PHYKPL: variants seen among roughly 807,000 people sequenced by gnomAD.
PHYKPL encodes 5-phosphohydroxy-L-lysine phospho-lyase.
A neutral mutation model predicts 51.3 loss-of-function variants in PHYKPL; 42 were observed. That is an observed-to-expected ratio of 0.82 (90% CI 0.64 to 1.06). The LOEUF is 1.06. PHYKPL is among the 50% of genes least tolerant of loss of function. The probability of loss-of-function intolerance (pLI) is 0.00; values close to 1 mark genes in which losing one functional copy is unlikely to be tolerated. For synonymous variants in PHYKPL, 264 were observed against 236.0 expected (o/e 1.12, Z -1.09); for missense variants, 655 against 586.6 (o/e 1.12, Z -1.20).
In PHYKPL at chr5:178,211,872, G is replaced by GAAGC; in HGVS notation, c.*31+14_*31+17dup. The GAAGC allele has an allele frequency of 1.3e-6, 2 of 1,589,616 alleles. No individual in the cohort carries two copies. The highest frequency in any genetic ancestry group is 1.7e-6 in the Non-Finnish European group (2 of 1,158,288). ...ACCCGCTGTGCATCTTCAAGAGTAAGAAGCAAGGCCCACTCACCTGGAGTA... is the reference window on the plus strand; with the variant it reads ...ACCCGCTGTGCATCTTCAAGAGTAAGAAGCAAGCAAGGCCCACTCACCTGGAGTA... On this transcript the variant is annotated intron_variant, in intron 12 of 12. Transcript: ENST00000308158.
intron 8 of PHYKPL, among the ~76,000 whole-genome samples, chr5:178,218,175 C>CCACTG (rs1325770348): frequency 1.6e-5 from 2 of 125,616 alleles, no homozygotes; most frequent in Non-Finnish European, 3.2e-5. Context: ...CGAGATCGCG[C>CCACTG]CACTGCACTC....
At chr5:178,212,866 C>T (rs998480774) in intron 11 of PHYKPL, 107 bp downstream of exon 11, 2 of 1,476,312 alleles carry the variant, frequency 1.4e-6, no homozygotes, top group African/African-American at 1.4e-5. Flanking sequence ...GGACATGTGC[C>T]TCTGCTCTTG....
At chr5:178,209,577 G>C in intron 12 of PHYKPL, 3 of 724,142 alleles carry the variant, frequency 4.1e-6, no homozygotes, top group South Asian at 1.7e-5. Flanking sequence ...GGACGAACAG[G>C]AATAGGAACG....
At chr5:178,209,742 C>T (rs1319978184) in intron 12 of PHYKPL, among the ~76,000 whole-genome samples, 2 of 152,072 alleles carry the variant, frequency 1.3e-5, no homozygotes, top group East Asian at 3.9e-4. Context: ...TCTGGTACAC[C>T]TGTGAGCAGG....
chr5:178,223,771 C>A (rs751996039), intron 6 of PHYKPL: 5 of 315,962 alleles, frequency 1.6e-5, no homozygotes, highest in Non-Finnish European at 2.5e-5. Context: ...CGCCAACAGT[C>A]TTCCCTCTGT....
chr5:178,225,752 A>C, intron 3 of PHYKPL: 1 of 318,326 alleles, frequency 3.1e-6, no homozygotes, highest in South Asian at 3.7e-5. Flanking sequence ...GACTTCTGTG[A>C]CTCCAAAAAA....
intron 11 of PHYKPL, among the ~76,000 whole-genome samples, 170 bp downstream of exon 11, chr5:178,212,803 T>C (rs1390180929): frequency 2.0e-5 from 3 of 152,328 alleles, no homozygotes; most frequent in East Asian, 1.9e-4. Context: ...CAGGCAGGAA[T>C]AGGAGCAGAT....
At chr5:178,219,637 AGATG>A (rs1760715241) in intron 8 of PHYKPL, among the ~76,000 whole-genome samples, 1 of 151,886 alleles carries the variant, frequency 6.6e-6, no homozygotes, top group Non-Finnish European at 1.5e-5. Context: ...TTTTCAGTAG[AGATG>A]GGGTTTCACC....
At chr5:178,210,650 C>T (rs569849823) in intron 12 of PHYKPL, 97 of 1,564,770 alleles carry the variant, frequency 6.2e-5, no homozygotes, top group Admixed American at 3.2e-4. Context: ...ACCAACTGAT[C>T]GCACACATGC....
At chr5:178,222,000 G>A (rs1761261327) in intron 8 of PHYKPL, among the ~76,000 whole-genome samples, 1 of 152,176 alleles carries the variant, frequency 6.6e-6, no homozygotes, top group African/African-American at 2.4e-5. Flanking sequence ...CTGAGATCAT[G>A]TGTTACCCAA....
At chr5:178,231,592 A>G in intron 1 of PHYKPL, 69 bp from the exon 2 acceptor site, 1 of 1,608,400 alleles carries the variant, frequency 6.2e-7, no homozygotes, top group Non-Finnish European at 8.5e-7. Flanking sequence ...CTCATCGCAG[A>G]CCCCCGCCCA....
At chr5:178,210,753 C>T (rs915670561) in intron 12 of PHYKPL, 3 of 730,842 alleles carry the variant, frequency 4.1e-6, no homozygotes, top group Admixed American at 2.1e-5. Flanking sequence ...TTTAAAATTT[C>T]CCCCATGGAA....
At chr5:178,218,083 A>G (rs112368432) in intron 8 of PHYKPL, among the ~76,000 whole-genome samples, 33,687 of 77,738 alleles carry the variant, frequency 0.43, 7,927 homozygotes, top group African/African-American at 0.56. Context: ...CGGGCGTGGT[A>G]GCGGGCGCCT....
At chr5:178,210,088 A>G in intron 12 of PHYKPL, 1 of 1,606,176 alleles carries the variant, frequency 6.2e-7, no homozygotes, top group Non-Finnish European at 8.5e-7. Context: ...GCTCCTGCGT[A>G]TGCTAAATGG....
intron 3 of PHYKPL, chr5:178,228,416 T>G (rs748764404): frequency 1.0e-4 from 66 of 641,156 alleles, no homozygotes; most frequent in Non-Finnish European, 1.8e-4. Context: ...TGCTTTGGAT[T>G]TGGCAACATG....
intron 12 of PHYKPL, chr5:178,211,169 GGTGAGTGTGGGATATGCTGT>G (rs1247164057): frequency 6.4e-6 from 1 of 156,464 alleles, no homozygotes; most frequent in African/African-American, 2.4e-5. Flanking sequence ...CCCAAGCCTG[GGTGAGTGTGGGATATGCTGT>G]GTGAGACCTC....
intron 6 of PHYKPL, 67 bp from the exon 7 acceptor site, chr5:178,223,001 C>T (rs1296034243): frequency 4.7e-6 from 7 of 1,480,568 alleles, no homozygotes; most frequent in African/African-American, 1.4e-5. Context: ...GCGTGCCCTG[C>T]TAGTGCTGGC....
chr5:178,216,720 A>G (rs1699799273), intron 8 of PHYKPL: 2 of 152,238 alleles, frequency 1.3e-5, no homozygotes, highest in African/African-American at 4.8e-5. Flanking sequence ...ACCTTACTGG[A>G]TAAAGACTTT....
At chr5:178,230,387 ACT>A (rs34714231) in intron 2 of PHYKPL, 26,328 of 360,028 alleles carry the variant, frequency 0.073, 1,248 homozygotes, top group Admixed American at 0.13. Context: ...ACAGGGCCTT[ACT>A]CTGTCACCCA....
Sources: gnomAD v4.1 joint callset for allele counts (sites outside exome capture counted in the v4.1 genomes callset) on GRCh38, gnomAD v4.1.1 for gene constraint, MANE v1.5 for transcripts, NCBI Gene and HGNC (gene_info 2026-07-23, HGNC 2026-07-21) for gene names.